The following SGPP2 variants were observed in gnomAD, a reference collection of about 807,000 sequenced individuals.
The protein encoded by SGPP2 is sphingosine 1-phosphate phosphohydrolase 2.
A neutral mutation model predicts 33.9 loss-of-function variants in SGPP2; 30 were observed. The ratio of observed to expected loss-of-function variants is 0.89; its 90% CI spans 0.66 to 1.20. The LOEUF is 1.20. Among genes scored for constraint, SGPP2 ranks in the 50% most tolerant of loss-of-function variants. The pLI is 0.00. For missense variants in SGPP2, 458 were observed against 532.1 expected, an observed-to-expected ratio of 0.86 and a Z score of 1.37; for synonymous variants, 233 against 225.0, an observed-to-expected ratio of 1.04 and a Z score of -0.32.
intron 4 of SGPP2, among the ~76,000 whole-genome samples, chr2:222,529,006 T>C (rs1261833310): frequency 6.6e-6 from 1 of 152,240 alleles, no homozygotes; most frequent in East Asian, 1.9e-4. Flanking sequence ...GCTGTTTTTT[T>C]CCTTATTTTT....
chr2:222,431,143 A>AT (rs1269176353), intron 1 of SGPP2, among the ~76,000 whole-genome samples: 1 of 151,882 alleles, frequency 6.6e-6, no homozygotes, highest in Non-Finnish European at 1.5e-5. Flanking sequence ...GTATATGGGA[A>AT]TTGTGTATTA....
chr2:222,521,650 A>G, intron 2 of SGPP2, 117 bp from the exon 3 acceptor site: 1 of 1,063,424 alleles, frequency 9.4e-7, no homozygotes, highest in Admixed American at 2.9e-5. Context: ...GTAGCTGGTC[A>G]GAGAGAAAGG....
intron 4 of SGPP2, among the ~76,000 whole-genome samples, chr2:222,534,442 T>G (rs1209474796): frequency 7.2e-6 from 1 of 138,386 alleles, no homozygotes; most frequent in Non-Finnish European, 1.6e-5. Context: ...TTTTATTTGC[T>G]TATTCATTTA....
intron 2 of SGPP2, among the ~76,000 whole-genome samples, chr2:222,491,225 C>T (rs1698192592): frequency 6.6e-6 from 1 of 152,136 alleles, no homozygotes; most frequent in Non-Finnish European, 1.5e-5. Context: ...GCCTCAAACT[C>T]CTGAACTCAA....
chr2:222,522,847 T>TA (rs948681215), intron 3 of SGPP2, among the ~76,000 whole-genome samples: 5 of 152,040 alleles, frequency 3.3e-5, no homozygotes, highest in Non-Finnish European at 7.4e-5. Context: ...CCCAGATAAT[T>TA]AAAAAAAATT....
chr2:222,447,768 C>G (rs1000848781), intron 1 of SGPP2, among the ~76,000 whole-genome samples: 5 of 152,110 alleles, frequency 3.3e-5, no homozygotes, highest in African/African-American at 1.2e-4. Context: ...TTACTATATG[C>G]CAGCCACTGA....
At chr2:222,475,018 G>A (rs1697909653) in intron 2 of SGPP2, among the ~76,000 whole-genome samples, 1 of 152,118 alleles carries the variant, frequency 6.6e-6, no homozygotes, top group Admixed American at 6.5e-5. Context: ...TAATCTTGTG[G>A]CCTTTCATTA....
intron 1 of SGPP2, among the ~76,000 whole-genome samples, chr2:222,435,546 A>G (rs1697226923): frequency 6.6e-6 from 1 of 152,124 alleles, no homozygotes; most frequent in Non-Finnish European, 1.5e-5. Context: ...TCATATACAG[A>G]TAACAATAAG....
At chr2:222,548,433 C>T (rs1689238646) in intron 4 of SGPP2, among the ~76,000 whole-genome samples, 1 of 152,238 alleles carries the variant, frequency 6.6e-6, no homozygotes, top group South Asian at 2.1e-4. Flanking sequence ...TGTAGTTACT[C>T]CTGAGCCTCA....
At chr2:222,505,659 C>T (rs765411098) in intron 2 of SGPP2, among the ~76,000 whole-genome samples, 20 of 151,976 alleles carry the variant, frequency 1.3e-4, no homozygotes, top group Non-Finnish European at 2.9e-4. Flanking sequence ...TTAGGCCGGG[C>T]CTGGTGGCTC....
intron 1 of SGPP2, among the ~76,000 whole-genome samples, chr2:222,468,140 C>A (rs1697779542): frequency 6.6e-6 from 1 of 151,924 alleles, no homozygotes; most frequent in Non-Finnish European, 1.5e-5. Flanking sequence ...AGGTTGAGGT[C>A]CATGATTTTC....
intron 2 of SGPP2, among the ~76,000 whole-genome samples, chr2:222,498,762 G>T (rs182598830): frequency 5.5e-4 from 84 of 152,258 alleles, no homozygotes; most frequent in African/African-American, 1.9e-3. Context: ...GATATGAGGA[G>T]AGAGTGATGA....
chr2:222,455,032 A>C (rs1697550515), intron 1 of SGPP2, among the ~76,000 whole-genome samples: 1 of 152,114 alleles, frequency 6.6e-6, no homozygotes, highest in Non-Finnish European at 1.5e-5. Flanking sequence ...GCCTTCAAGG[A>C]GCTTGAAGTC....
intron 1 of SGPP2, among the ~76,000 whole-genome samples, chr2:222,434,997 C>T (rs1697214149): frequency 5.5e-5 from 4 of 73,264 alleles, no homozygotes; most frequent in South Asian, 4.6e-4. Flanking sequence ...CACACACACA[C>T]ACACACACAC....
At chr2:222,435,949 A>G (rs1697233375) in intron 1 of SGPP2, among the ~76,000 whole-genome samples, 1 of 152,136 alleles carries the variant, frequency 6.6e-6, no homozygotes, top group Non-Finnish European at 1.5e-5. Flanking sequence ...GGTCTGGGTC[A>G]TTTGTAGTCT....
chr2:222,461,678 T>A (rs1697662689), intron 1 of SGPP2, among the ~76,000 whole-genome samples: 1 of 151,744 alleles, frequency 6.6e-6, no homozygotes, highest in African/African-American at 2.4e-5. Flanking sequence ...ACAGCCTAGA[T>A]CCCTCGCATG....
At chr2:222,480,442 G>GT (rs1385544010) in intron 2 of SGPP2, among the ~76,000 whole-genome samples, 1 of 152,182 alleles carries the variant, frequency 6.6e-6, no homozygotes, top group Non-Finnish European at 1.5e-5. Flanking sequence ...CAAAGTGAAA[G>GT]TAAGGAGAGC....
intron 1 of SGPP2, among the ~76,000 whole-genome samples, chr2:222,433,220 A>G (rs1697184698): frequency 1.3e-5 from 2 of 152,228 alleles, no homozygotes; most frequent in South Asian, 4.1e-4. Flanking sequence ...AGGAACTGTT[A>G]TGTTTCAGGA....
chr2:222,435,011 CAT>C (rs1559142617), intron 1 of SGPP2, among the ~76,000 whole-genome samples: 3 of 28,204 alleles, frequency 1.1e-4, no homozygotes, highest in South Asian at 1.1e-3. Context: ...CACACACACA[CAT>C]ATGTGTATAT....
Sources: allele counts gnomAD v4.1 joint callset (sites outside exome capture counted in the v4.1 genomes callset), GRCh38; gene constraint gnomAD v4.1.1; transcripts MANE v1.5; gene names NCBI Gene and HGNC (gene_info 2026-07-23, HGNC 2026-07-21).